The following SOX6 variants were observed in gnomAD, a reference collection of about 807,000 sequenced individuals.
SOX6 encodes the protein transcription factor SOX-6.
SOX6 carries 11 observed loss-of-function variants against 97.8 expected under a neutral mutation model. The ratio of observed to expected loss-of-function variants is 0.11; its 90% CI spans 0.07 to 0.19. The LOEUF (loss-of-function observed/expected upper bound fraction) is 0.19, where lower values mean the gene tolerates loss of function less well. SOX6 is among the 10% of genes least tolerant of loss of function. The pLI, the probability that SOX6 is intolerant of heterozygous loss-of-function variation, is 1.00. For synonymous variants in SOX6, 360 were observed against 371.4 expected (o/e 0.97, Z 0.35); for missense variants, 810 against 1,039.5 (o/e 0.78, Z 3.04).
At chr11:16,617,948 G>A (rs912073894) in intron 3 of SOX6, among the ~76,000 whole-genome samples, 6 of 151,692 alleles carry the variant, frequency 4.0e-5, no homozygotes, top group Non-Finnish European at 8.9e-5. Context: ...TGAGAGATAG[G>A]TGCATTTGCT....
At position 16,342,715 on chromosome 11, in the gene SOX6, A is replaced by G. The variant is rs765649090; in HGVS notation, c.-4-1463T>C. Among the ~76,000 whole-genome samples the G allele has an allele frequency of 1.1e-3, 173 of 152,102 alleles. 3 individuals are homozygous for G. The highest frequency in any genetic ancestry group is 1.9e-3 in the South Asian group (9 of 4,830). On this transcript the variant is annotated intron_variant, in intron 1 of 15. Coordinates refer to ENST00000683767, the MANE Select transcript of SOX6 (RefSeq NM_001367873.1). ...CACATAGGATTTAACAGCTAATGCT[A>G]AATTTCTCACAATTAATGAGGGGGC...
chr11:16,186,336 G>A lies in SOX6; in HGVS notation c.708+447C>T, dbSNP rs367882216. Among the ~76,000 whole-genome samples the A allele has an allele frequency of 7.2e-5, 11 of 152,260 alleles. No individual in the cohort carries two copies. The East Asian group carries it at 1.7e-3, about 24-fold the overall frequency. Reference sequence around the variant, plus strand: ...TATCTGGGGAAAACTGAAATGTATGGTCACCTCTTTGGACTTTAAACCTGA... The same window carrying A: ...TATCTGGGGAAAACTGAAATGTATGATCACCTCTTTGGACTTTAAACCTGA... On this transcript the variant is annotated intron_variant, in intron 5 of 15. Transcript: ENST00000683767.
chr11:16,534,811 C>T (rs1861283532), intron 4 of SOX6, among the ~76,000 whole-genome samples: 1 of 152,182 alleles, frequency 6.6e-6, no homozygotes, highest in Non-Finnish European at 1.5e-5. Flanking sequence ...TTTAGAAAAG[C>T]TTCGTCCATC....
Position 16,521,588 on chromosome 11 carries a change from A to G in SOX6, n.610-45200T>C, listed in dbSNP as rs1861064814. On this transcript the variant is annotated intron_variant and non_coding_transcript_variant, in intron 4 of 5. Transcript: ENST00000524520. ...AAAGCAGAGCGCCTCTTCTCCTCCA[A>G]AGGAATGCAGTTCCTCACCAGCAAC... 3.9e-5 allele frequency among the ~76,000 whole-genome samples: 6 copies of G among 152,348 alleles called. No homozygotes were observed. In the South Asian group the frequency reaches 1.2e-3, roughly 32 times the overall value.
chr11:16,697,564 C>T (rs920290602), intron 3 of SOX6, among the ~76,000 whole-genome samples: 5 of 152,126 alleles, frequency 3.3e-5, no homozygotes, highest in South Asian at 2.1e-4. Flanking sequence ...AAGCCGAGAT[C>T]GCTTCACTGC....
intron 4 of SOX6, among the ~76,000 whole-genome samples, chr11:16,530,328 CAT>C (rs1294740973): frequency 6.6e-6 from 1 of 152,006 alleles, no homozygotes; most frequent in African/African-American, 2.4e-5. Context: ...AGGATATAAA[CAT>C]TTTTTTAAAG....
intron 13 of SOX6, among the ~76,000 whole-genome samples, chr11:16,002,415 T>C (rs879818009): frequency 6.6e-6 from 1 of 152,168 alleles, no homozygotes; most frequent in Non-Finnish European, 1.5e-5. Context: ...AATTCTCAAG[T>C]TATATTTACT....
chr11:16,019,600 C>G (rs1854994709), intron 12 of SOX6, among the ~76,000 whole-genome samples: 1 of 151,986 alleles, frequency 6.6e-6, no homozygotes, highest in African/African-American at 2.4e-5. Context: ...ATATATAAGA[C>G]AGTAAATAAT....
chr11:16,135,089 G>T (rs1199525794), intron 6 of SOX6, among the ~76,000 whole-genome samples: 1 of 152,108 alleles, frequency 6.6e-6, no homozygotes, highest in Non-Finnish European at 1.5e-5. Flanking sequence ...AACAAAGCCT[G>T]GATGAAAACA....
At chr11:16,215,479 A>C (rs940038531) in intron 4 of SOX6, among the ~76,000 whole-genome samples, 3 of 151,378 alleles carry the variant, frequency 2.0e-5, no homozygotes, top group Non-Finnish European at 1.5e-5. Context: ...CAATGTAAGA[A>C]TCCCAGAAGT....
chr11:16,444,011 CAAAAAA>C (rs11448266), intron 1 of SOX6, among the ~76,000 whole-genome samples: 3 of 115,434 alleles, frequency 2.6e-5, no homozygotes, highest in African/African-American at 7.2e-5. Flanking sequence ...GACTCTGTCT[CAAAAAA>C]AAAAAAAAAA....
chr11:16,316,180 G>C (rs1453163959), intron 3 of SOX6: 1 of 151,272 alleles, frequency 6.6e-6, no homozygotes, highest in Admixed American at 6.6e-5. Flanking sequence ...GCTGGGATTT[G>C]GGTCACAACT....
intron 4 of SOX6, among the ~76,000 whole-genome samples, chr11:16,491,786 A>C (rs1159398343): frequency 2.0e-5 from 3 of 152,322 alleles, no homozygotes; most frequent in African/African-American, 7.2e-5. Flanking sequence ...TCTATATGAA[A>C]AAACAAAATA....
At chr11:16,102,158 A>G (rs561642996) in intron 7 of SOX6, among the ~76,000 whole-genome samples, 1 of 152,066 alleles carries the variant, frequency 6.6e-6, no homozygotes, top group South Asian at 2.1e-4. Flanking sequence ...AAGCTCCTAG[A>G]ACTGGTAAAT....
chr11:16,283,803 A>C, intron 3 of SOX6: 1 of 322,484 alleles, frequency 3.1e-6, no homozygotes, highest in Non-Finnish European at 6.0e-6. Context: ...AATGCTGCTA[A>C]TGTTCGATAA....
At chr11:16,737,841 G>A (rs1848405200) in intron 1 of SOX6, among the ~76,000 whole-genome samples, 1 of 152,098 alleles carries the variant, frequency 6.6e-6, no homozygotes, top group South Asian at 2.1e-4. Context: ...AGTGACAGTG[G>A]ATTGTACACT....
At chr11:16,443,175 T>TC (rs1439153593) in intron 1 of SOX6, among the ~76,000 whole-genome samples, 3 of 152,152 alleles carry the variant, frequency 2.0e-5, no homozygotes, top group African/African-American at 2.4e-5. Flanking sequence ...CAATGAAGCT[T>TC]CCCCCCAGTT....
chr11:16,123,827 T>G (rs1849548834), intron 6 of SOX6, among the ~76,000 whole-genome samples: 1 of 152,082 alleles, frequency 6.6e-6, no homozygotes, highest in Non-Finnish European at 1.5e-5. Context: ...AATAAATAAC[T>G]TAGATACAAA....
intron 2 of SOX6, among the ~76,000 whole-genome samples, chr11:16,726,977 T>G (rs1421442744): frequency 6.6e-6 from 1 of 152,230 alleles, no homozygotes; most frequent in African/African-American, 2.4e-5. Context: ...TGAGTCTGCT[T>G]ATATTTGTGA....
Sources: allele counts gnomAD v4.1 joint callset (sites outside exome capture counted in the v4.1 genomes callset), GRCh38; gene constraint gnomAD v4.1.1; transcripts MANE v1.5; gene names NCBI Gene and HGNC (gene_info 2026-07-23, HGNC 2026-07-21).